Variants in EMC3 observed in about 807,000 individuals in gnomAD.
The protein encoded by EMC3 is ER membrane protein complex subunit 3, also known as 30 kDa protein.
Under a neutral mutation model 36.6 loss-of-function variants are expected in EMC3, and 13 were observed. The ratio of observed to expected loss-of-function variants is 0.35; its 90% confidence interval spans 0.23 to 0.56. The LOEUF is 0.56. Among genes scored for constraint, EMC3 ranks in the 20% least tolerant of loss-of-function variants. The pLI is 0.84. For synonymous variants in EMC3, 120 were observed against 111.9 expected (o/e 1.07, Z -0.46); for missense variants, 220 against 324.5 (o/e 0.68, Z 2.47).
chr3:9,970,731 A>G, intron 5 of EMC3, 70 bp from the exon 6 acceptor site: 2 of 1,506,372 alleles, frequency 1.3e-6, no homozygotes, highest in Non-Finnish European at 1.8e-6. Context: ...CCACTTCCCT[A>G]CCACCCAAAG....
chr3:9,974,554 T>G, intron 3 of EMC3, 66 bp from the exon 4 acceptor site: 1 of 1,158,638 alleles, frequency 8.6e-7, no homozygotes, highest in Non-Finnish European at 1.3e-6. Context: ...TTTCTCCTGA[T>G]TTTCTGTAAA....
At chr3:10,006,156 C>T (rs1375429511) in intron 1 of EMC3, among the ~76,000 whole-genome samples, 1 of 152,186 alleles carries the variant, frequency 6.6e-6, no homozygotes, top group African/African-American at 2.4e-5. Context: ...TAGAAACGTC[C>T]CTGATACACC....
chr3:9,983,384 G>A (rs1230697440), intron 1 of EMC3, among the ~76,000 whole-genome samples: 1 of 152,120 alleles, frequency 6.6e-6, no homozygotes, highest in African/African-American at 2.4e-5. Flanking sequence ...CTGACTTTAA[G>A]AGATCTGCCC....
intron 5 of EMC3, among the ~76,000 whole-genome samples, chr3:9,971,802 T>C (rs1056316149): frequency 2.6e-5 from 4 of 152,146 alleles, no homozygotes; most frequent in African/African-American, 9.7e-5. Flanking sequence ...CTCCCACACA[T>C]CCTAGAGGGC....
At chr3:9,977,502 T>C in intron 1 of EMC3, 56 bp from the exon 2 acceptor site, 2 of 1,529,388 alleles carry the variant, frequency 1.3e-6, no homozygotes, top group Non-Finnish European at 1.8e-6. Flanking sequence ...TAGAAGAAAA[T>C]GGGAGAGTCA....
At chr3:10,008,290 A>G (rs2086286328) in intron 1 of EMC3, 1 of 771,650 alleles carries the variant, frequency 1.3e-6, no homozygotes. Context: ...TCTCCTCTTC[A>G]GAAGCCAGGG....
chr3:9,976,889 TACCCC>T, intron 3 of EMC3, 63 bp downstream of exon 3: 2 of 1,129,710 alleles, frequency 1.8e-6, no homozygotes, highest in Non-Finnish European at 2.6e-6. Flanking sequence ...CCTCCCTGCC[TACCCC>T]ACCCCACTCA....
At chr3:9,966,136 C>T (rs560952617) in intron 7 of EMC3, among the ~76,000 whole-genome samples, 24 of 152,092 alleles carry the variant, frequency 1.6e-4, no homozygotes, top group Middle Eastern at 3.4e-3. Flanking sequence ...AATAGGGTTC[C>T]AATTTCTCCA....
intron 1 of EMC3, among the ~76,000 whole-genome samples, chr3:9,994,026 G>A (rs2086091067): frequency 1.3e-5 from 2 of 152,304 alleles, no homozygotes; most frequent in African/African-American, 4.8e-5. Flanking sequence ...AACTCAGAAT[G>A]GTGAAGGATT....
chr3:9,977,350 G>A (rs1234464317), intron 2 of EMC3, 39 bp downstream of exon 2: 1 of 1,576,912 alleles, frequency 6.3e-7, no homozygotes, highest in Non-Finnish European at 8.7e-7. Context: ...CTGCCCAACA[G>A]TGAATCGTGG....
At position 9,977,049 on chromosome 3, in the gene EMC3, G is replaced by C; in HGVS notation, c.215C>G (p.Ser72Cys). ...GAAATAATATTTTCGTGTCAAGAAA[G>C]ACTAGTAAAAAAAAAAAAAAGTGTT... ...RENGKYIPKQ[S>C]FLTRKYYFNN... Residue 72 changes from serine (S) to cysteine (C), a missense_variant and splice_region_variant, in exon 3 of 8, where the codon TCT (serine) becomes TGT (cysteine). Around this residue, in one of 3 missense-constraint regions of EMC3, gnomAD observed 127 missense variants for 174.6 expected, o/e 0.73. Transcript: ENST00000245046. 1 of 1,550,740 alleles carries C rather than the reference G, an allele frequency of 6.4e-7. No homozygotes were observed. The highest frequency in any genetic ancestry group is 8.7e-7 in the Non-Finnish European group (1 of 1,149,670).
At chr3:9,970,001 C>G (rs962328779) in intron 6 of EMC3, among the ~76,000 whole-genome samples, 200 bp from the exon 7 acceptor site, 1 of 152,170 alleles carries the variant, frequency 6.6e-6, no homozygotes, top group African/African-American at 2.4e-5. Context: ...AAAGAGAGAT[C>G]ACTAAAGGAA....
rs145157757 is a variant in EMC3, at chr3:9,986,641, C to T, written c.21G>A (p.Leu7=). The T allele has an allele frequency of 3.3e-5, 53 of 1,614,154 alleles. No individual in the cohort carries two copies. The African/African-American group carries it at 5.6e-4, about 17-fold the overall frequency. ...CCCAGAGGCGGATGTTGGAGTCGAG[C>T]AACAGTTCTGGCCCTGCCATCTTCA... MAGPEL[L]LDSNIRLWVV... The change falls in exon 1 of 8, where the codon TTG becomes TTA. Residue 7 remains leucine, a synonymous_variant. Transcript: ENST00000245046.
At chr3:9,981,523 C>T (rs551599872) in intron 1 of EMC3, 1 of 157,336 alleles carries the variant, frequency 6.4e-6, no homozygotes, top group South Asian at 1.7e-4. Context: ...TTTTTATTTT[C>T]ATGAATATCT....
rs1213221086 is a variant in EMC3 at position 9,963,472 on chromosome 3, TATATA to T, written c.*592_*596del. On this transcript the variant is annotated 3_prime_UTR_variant, in exon 8 of 8. Coordinates refer to ENST00000245046, the MANE Select transcript of EMC3 (RefSeq NM_001394674.1). ...TAAGATAGATATATATATATATATATATATATTTTTTTTTTTTTTTCAGATGGAGT... is the reference window on the plus strand; with the variant it reads ...TAAGATAGATATATATATATATATATTTTTTTTTTTTTTTTCAGATGGAGT... 1.4e-5 allele frequency: 1 copy of T among 71,144 alleles called. No individual in the cohort carries two copies. Among genetic ancestry groups the T allele is most frequent in the African/African-American group, 7.7e-5 (1 of 12,994 alleles). 4.4% of individuals were successfully genotyped at this position (71,144 alleles called of 1,614,324 possible).
chr3:9,982,691 C>T (rs1186117729), intron 1 of EMC3, among the ~76,000 whole-genome samples: 1 of 151,734 alleles, frequency 6.6e-6, no homozygotes, highest in African/African-American at 2.4e-5. Flanking sequence ...AGTTTGAGAC[C>T]GGCCTGGGCA....
chr3:9,965,911 A>G (rs1424821600), intron 7 of EMC3, among the ~76,000 whole-genome samples: 1 of 152,206 alleles, frequency 6.6e-6, no homozygotes, highest in African/African-American at 2.4e-5. Flanking sequence ...TTATTCATTC[A>G]TTAGATGATG....
At chr3:10,000,764 C>G in intron 1 of EMC3, 1 of 485,562 alleles carries the variant, frequency 2.1e-6, no homozygotes, top group Non-Finnish European at 4.2e-6. Flanking sequence ...ACCAGTGTAT[C>G]CTCTCCCCAG....
chr3:9,987,954 GC>G, upstream of EMC3: 1 of 1,043,574 alleles, frequency 9.6e-7, no homozygotes, highest in African/African-American at 1.6e-5. Flanking sequence ...ATTGTGTTTT[GC>G]CATCACTGTT....
Sources: gnomAD v4.1 joint callset for allele counts (sites outside exome capture counted in the v4.1 genomes callset) on GRCh38, gnomAD v4.1.1 for gene constraint, gnomAD v4.1.1 regional missense constraint, MANE v1.5 for transcripts, NCBI Gene and HGNC (gene_info 2026-07-23, HGNC 2026-07-21) for gene names.